Variants in CDKAL1 observed in about 807,000 individuals in gnomAD.
CDKAL1 encodes CDKAL1 threonylcarbamoyladenosine tRNA methylthiotransferase.
CDKAL1 carries 32 observed loss-of-function variants against 68.2 expected under a neutral mutation model. The ratio of observed to expected loss-of-function variants is 0.47; its 90% CI spans 0.35 to 0.63. CDKAL1 has a LOEUF of 0.63. CDKAL1 is among the 30% of genes least tolerant of loss of function. The pLI, the probability that CDKAL1 is intolerant of heterozygous loss-of-function variation, is 0.00. For synonymous variants in CDKAL1, 234 were observed against 244.3 expected (o/e 0.96, Z 0.39); for missense variants, 606 against 696.7 (o/e 0.87, Z 1.47).
chr6:20,695,405 G>T (rs1399993815), intron 5 of CDKAL1, among the ~76,000 whole-genome samples: 3 of 152,020 alleles, frequency 2.0e-5, no homozygotes, highest in Admixed American at 2.0e-4. Context: ...TCATTCTTTA[G>T]GACTGCTTAG....
chr6:20,658,086 A>T (rs1404349706), intron 5 of CDKAL1, among the ~76,000 whole-genome samples: 1 of 151,978 alleles, frequency 6.6e-6, no homozygotes, highest in East Asian at 1.9e-4. Context: ...AAATCAAAAA[A>T]CTCCTTTGGT....
intron 11 of CDKAL1, among the ~76,000 whole-genome samples, chr6:21,025,350 A>G (rs755250360): frequency 2.6e-5 from 4 of 152,088 alleles, no homozygotes; most frequent in Non-Finnish European, 4.4e-5. Context: ...TGTATGTTTC[A>G]GTTAGTTTTT....
chr6:20,942,494 A>G (rs1213392399), intron 9 of CDKAL1, among the ~76,000 whole-genome samples: 2 of 150,320 alleles, frequency 1.3e-5, no homozygotes, highest in African/African-American at 4.9e-5. Context: ...CAGCCTTCCA[A>G]GTAGCTGGGA....
chr6:20,625,192 G>C (rs1389601517), intron 4 of CDKAL1, among the ~76,000 whole-genome samples: 3 of 151,988 alleles, frequency 2.0e-5, no homozygotes, highest in Non-Finnish European at 4.4e-5. Context: ...AGATGAGACT[G>C]GTATCTGTTT....
intron 4 of CDKAL1, among the ~76,000 whole-genome samples, chr6:20,596,428 C>G (rs1013096449): frequency 1.3e-5 from 2 of 152,182 alleles, no homozygotes; most frequent in Non-Finnish European, 2.9e-5. Context: ...GGGCTCTGCC[C>G]AGTTCAAACT....
intron 9 of CDKAL1, among the ~76,000 whole-genome samples, chr6:20,868,059 TA>T (rs1561843729): frequency 6.6e-6 from 1 of 151,578 alleles, no homozygotes; most frequent in African/African-American, 2.4e-5. Flanking sequence ...TTCTGTATAA[TA>T]AACAAATCTT....
intron 12 of CDKAL1, among the ~76,000 whole-genome samples, chr6:21,094,933 G>A (rs151318020): frequency 1.1e-3 from 169 of 152,278 alleles, no homozygotes; most frequent in African/African-American, 3.8e-3. Context: ...AGTTCATTGA[G>A]CTCTTCTAAG....
At chr6:20,912,687 A>G (rs943726119) in intron 9 of CDKAL1, among the ~76,000 whole-genome samples, 1 of 152,184 alleles carries the variant, frequency 6.6e-6, no homozygotes, top group African/African-American at 2.4e-5. Flanking sequence ...TAACAGAATC[A>G]TAAAGAAGGT....
chr6:20,919,603 A>T (rs1038049071), intron 9 of CDKAL1, among the ~76,000 whole-genome samples: 2 of 152,190 alleles, frequency 1.3e-5, no homozygotes, highest in East Asian at 3.9e-4. Context: ...TTTGCTGAGA[A>T]TGATGGTTTC....
chr6:21,169,137 A>C (rs911138486), intron 13 of CDKAL1, among the ~76,000 whole-genome samples: 1 of 152,210 alleles, frequency 6.6e-6, no homozygotes, highest in Admixed American at 6.5e-5. Context: ...AATGGTCTAC[A>C]AGTTGGGCAT....
chr6:20,726,561 T>C (rs2127853605), intron 5 of CDKAL1, among the ~76,000 whole-genome samples: 1 of 152,350 alleles, frequency 6.6e-6, no homozygotes. Flanking sequence ...ACCTTAAATT[T>C]CATGTTACAG....
At chr6:20,546,955 T>TA (rs1763632039) in intron 3 of CDKAL1, among the ~76,000 whole-genome samples, 1 of 152,212 alleles carries the variant, frequency 6.6e-6, no homozygotes, top group Admixed American at 6.5e-5. Context: ...TGATAGGAAA[T>TA]ACAAGTTGAG....
At chr6:20,819,182 T>C (rs1777172226) in intron 8 of CDKAL1, among the ~76,000 whole-genome samples, 1 of 151,902 alleles carries the variant, frequency 6.6e-6, no homozygotes, top group South Asian at 2.1e-4. Flanking sequence ...TCTGCTGCTT[T>C]ATTTTCACTA....
chr6:20,822,885 T>C (rs771052264), intron 8 of CDKAL1, among the ~76,000 whole-genome samples: 5 of 152,158 alleles, frequency 3.3e-5, no homozygotes, highest in Non-Finnish European at 5.9e-5. Context: ...AATTACCCAG[T>C]CTCTGGCAGT....
intron 9 of CDKAL1, among the ~76,000 whole-genome samples, chr6:20,951,423 A>G (rs1764518371): frequency 6.6e-6 from 1 of 152,112 alleles, no homozygotes; most frequent in Admixed American, 6.5e-5. Context: ...TCCTTCTTTT[A>G]TTATCAAACT....
chr6:20,827,354 G>A (rs566022525), intron 8 of CDKAL1, among the ~76,000 whole-genome samples: 6 of 152,212 alleles, frequency 3.9e-5, no homozygotes, highest in East Asian at 3.9e-4. Flanking sequence ...AGTACCTGGC[G>A]CTGCCCTATA....
intron 4 of CDKAL1, among the ~76,000 whole-genome samples, chr6:20,599,802 A>C (rs1160120805): frequency 6.6e-6 from 1 of 152,208 alleles, no homozygotes; most frequent in Non-Finnish European, 1.5e-5. Flanking sequence ...CTTAAGGTAT[A>C]CTGAGCAAAA....
chr6:21,170,363 C>G (rs983090555), intron 13 of CDKAL1, among the ~76,000 whole-genome samples: 42 of 152,192 alleles, frequency 2.8e-4, no homozygotes, highest in African/African-American at 1.0e-3. Flanking sequence ...GAGATGGAGT[C>G]TCACTCTGTC....
chr6:20,853,403 A>AC (rs1759142696), intron 9 of CDKAL1, among the ~76,000 whole-genome samples: 3 of 25,720 alleles, frequency 1.2e-4, no homozygotes, highest in Non-Finnish European at 1.5e-4. Flanking sequence ...AAAAAAAAAC[A>AC]AAAAAAAAAA....
Sources: allele counts gnomAD v4.1 joint callset (sites outside exome capture counted in the v4.1 genomes callset), GRCh38; gene constraint gnomAD v4.1.1; transcripts MANE v1.5; gene names NCBI Gene and HGNC (gene_info 2026-07-23, HGNC 2026-07-21).